AFF3: variants seen among roughly 807,000 people sequenced by gnomAD.
The protein encoded by AFF3 is ALF transcription elongation factor 3, also known as AF4/FMR2 family member 3.
AFF3 carries 32 observed loss-of-function variants against 129.7 expected under a neutral mutation model. The observed-to-expected ratio is 0.25, with a 90% CI of 0.19 to 0.33. The LOEUF is 0.33. Ranked by LOEUF, AFF3 falls within the 10% of genes least tolerant of loss-of-function variation. The probability of loss-of-function intolerance (pLI) is 1.00; values close to 1 mark genes in which losing one functional copy is unlikely to be tolerated. For missense variants in AFF3, 1,373 were observed against 1,592.0 expected (o/e 0.86, Z 2.34); for synonymous variants, 644 against 635.4 (o/e 1.01, Z -0.20).
intron 7 of AFF3, among the ~76,000 whole-genome samples, chr2:99,967,027 C>G (rs1033649810): frequency 3.3e-5 from 5 of 152,248 alleles, no homozygotes; most frequent in Non-Finnish European, 5.9e-5. Context: ...AGTTGGAAGT[C>G]AAAACATCCT....
chr2:99,990,862 T>C (rs1346663561), intron 7 of AFF3, among the ~76,000 whole-genome samples: 1 of 152,174 alleles, frequency 6.6e-6, no homozygotes, highest in East Asian at 1.9e-4. Flanking sequence ...GAACATGGTA[T>C]TTATTGTTAC....
intron 17 of AFF3, among the ~76,000 whole-genome samples, chr2:99,581,418 C>T (rs149757274): frequency 9.2e-5 from 14 of 152,210 alleles, no homozygotes; most frequent in Non-Finnish European, 1.6e-4. Context: ...TTTAGGCTCT[C>T]GTGGGAACTT....
At chr2:99,936,272 C>T (rs555635204) in intron 7 of AFF3, among the ~76,000 whole-genome samples, 1 of 152,280 alleles carries the variant, frequency 6.6e-6, no homozygotes, top group Middle Eastern at 3.4e-3. Flanking sequence ...GGAGCTGTTA[C>T]AGCCTGGTGG....
chr2:99,743,031 C>T (rs1211278473), intron 10 of AFF3, among the ~76,000 whole-genome samples: 2 of 152,214 alleles, frequency 1.3e-5, no homozygotes, highest in Non-Finnish European at 2.9e-5. Flanking sequence ...CTGTATACCA[C>T]GACGTGGACT....
At chr2:99,601,404 A>G (rs1165029713) in intron 14 of AFF3, 31 bp downstream of exon 14, 2 of 1,558,024 alleles carry the variant, frequency 1.3e-6, no homozygotes, top group African/African-American at 2.7e-5. Context: ...AGAAGTGGGC[A>G]GAGGAGAGGC....
At chr2:100,027,539 G>A (rs1369748951) in intron 4 of AFF3, among the ~76,000 whole-genome samples, 2 of 152,080 alleles carry the variant, frequency 1.3e-5, no homozygotes, top group African/African-American at 4.8e-5. Context: ...CTACTCTCCT[G>A]GCTACAGATT....
intron 4 of AFF3, among the ~76,000 whole-genome samples, chr2:100,076,640 G>A (rs1010294464): frequency 6.6e-6 from 1 of 152,184 alleles, no homozygotes; most frequent in African/African-American, 2.4e-5. Context: ...CATTCGAGCT[G>A]ATAAAACTGC....
intron 7 of AFF3, among the ~76,000 whole-genome samples, chr2:99,863,037 G>T (rs1691114638): frequency 6.6e-6 from 1 of 152,216 alleles, no homozygotes; most frequent in South Asian, 2.1e-4. Context: ...TCCTGCAAAG[G>T]CAATGGCAGC....
In AFF3 at chr2:99,918,858, A is replaced by C. The variant is rs546732017; in HGVS notation, c.874-81334T>G. Among the ~76,000 whole-genome samples, 6 of 152,320 alleles carry C rather than the reference A, an allele frequency of 3.9e-5. No homozygotes were observed. The South Asian group carries it at 1.2e-3, about 32-fold the overall frequency. ...CAAAATTCAGTAGAAAAACTTTTGC[A>C]TGAAGACCAAACTTGGGTATCTTTG... On this transcript the variant is annotated intron_variant, in intron 7 of 24. Coordinates refer to ENST00000672756, the MANE Select transcript of AFF3 (RefSeq NM_001386135.1).
chr2:99,593,441 C>T lies in AFF3; in HGVS notation c.2220G>A (p.Glu740=). ...TTSDIAKELE[E]QFYTLVPFGR... ...CAAAGGGGACCAGTGTGTAGAACTG[C>T]TCCTCCAGCTCCTTGGCGATGTCAC... Residue 740 remains glutamate, a synonymous_variant, in exon 15 of 25, where the codon GAG becomes GAA. Coordinates refer to ENST00000672756, the MANE Select transcript of AFF3 (RefSeq NM_001386135.1). 1 of 1,613,636 alleles carries T rather than the reference C, an allele frequency of 6.2e-7. No homozygotes were observed. Among genetic ancestry groups the T allele is most frequent in the Non-Finnish European group, 8.5e-7 (1 of 1,179,850 alleles).
intron 12 of AFF3, among the ~76,000 whole-genome samples, chr2:99,660,166 C>A (rs1686104117): frequency 6.6e-6 from 1 of 152,200 alleles, no homozygotes; most frequent in South Asian, 2.1e-4. Context: ...AGAGTCCTGT[C>A]CACTTTCCAC....
At chr2:99,928,846 C>T (rs889484295) in intron 7 of AFF3, among the ~76,000 whole-genome samples, 1 of 152,078 alleles carries the variant, frequency 6.6e-6, no homozygotes, top group Non-Finnish European at 1.5e-5. Flanking sequence ...TCAAATTAGT[C>T]CAGGGTGAGC....
chr2:99,798,789 T>C (rs1016791201), intron 8 of AFF3, among the ~76,000 whole-genome samples: 1 of 151,944 alleles, frequency 6.6e-6, no homozygotes, highest in African/African-American at 2.4e-5. Flanking sequence ...AGCTTCAAAA[T>C]ACACGAAGCA....
chr2:100,129,416 G>GTGTGTGTGTGTGTGTGTGTGTGTGTGTA (rs1491429504), intron 1 of AFF3, 110 bp from the exon 2 acceptor site: 2 of 141,496 alleles, frequency 1.4e-5, no homozygotes, highest in Non-Finnish European at 3.1e-5. Flanking sequence ...GTGTGTGTGT[G>GTGTGTGTGTGTGTGTGTGTGTGTGTGTA]TATACATATT....
At position 99,546,676 on chromosome 2, in the gene AFF3, A is replaced by C; in HGVS notation, c.*4798T>G. On this transcript the variant is annotated 3_prime_UTR_variant, in exon 25 of 25. Transcript: ENST00000672756. ...TCCCACATAGGGGATGCTTCATGTC[A>C]AGCCACTGGTCTAATGCCTCCGTCT... is the stretch of plus-strand genomic sequence containing the variant. 2 of 230,382 alleles carry C rather than the reference A, an allele frequency of 8.7e-6. No individual in the cohort carries two copies. Among genetic ancestry groups the C allele is most frequent in the Non-Finnish European group, 1.7e-5 (2 of 116,310 alleles). 14.3% of individuals were successfully genotyped at this position (230,382 alleles called of 1,614,324 possible). A position where few individuals can be genotyped will look rare whatever the true frequency, so the allele number is the denominator to read the frequency against.
intron 8 of AFF3, among the ~76,000 whole-genome samples, chr2:99,812,883 T>C (rs1229959719): frequency 6.6e-6 from 1 of 152,242 alleles, no homozygotes; most frequent in East Asian, 1.9e-4. Flanking sequence ...GAACAAATCG[T>C]GTTATTATTA....
intron 13 of AFF3, among the ~76,000 whole-genome samples, chr2:99,609,640 T>A (rs1680722376): frequency 6.6e-6 from 1 of 152,234 alleles, no homozygotes; most frequent in Non-Finnish European, 1.5e-5. Context: ...GATTGATGGA[T>A]CAGTCCACTT....
At chr2:99,760,927 T>G (rs1230866837) in intron 8 of AFF3, among the ~76,000 whole-genome samples, 7 of 152,022 alleles carry the variant, frequency 4.6e-5, no homozygotes, top group African/African-American at 1.7e-4. Context: ...CCTGCCCTTT[T>G]TTTTCCTTTT....
chr2:99,958,555 GGACGATCCTATGCTAAGCACC>G (rs1676892907), intron 7 of AFF3, among the ~76,000 whole-genome samples: 1 of 151,880 alleles, frequency 6.6e-6, no homozygotes, highest in Non-Finnish European at 1.5e-5. Flanking sequence ...ACTTCCAGGT[GGACGATCCTATGCTAAGCACC>G]GTGATGGGAA....
Sources: gnomAD v4.1 joint callset for allele counts (sites outside exome capture counted in the v4.1 genomes callset) on GRCh38, gnomAD v4.1.1 for gene constraint, MANE v1.5 for transcripts, NCBI Gene and HGNC (gene_info 2026-07-23, HGNC 2026-07-21) for gene names.